REV3L: variants seen among roughly 807,000 people sequenced by gnomAD.
REV3L encodes DNA polymerase zeta catalytic subunit.
REV3L carries 69 observed loss-of-function variants against 299.4 expected under a neutral mutation model. The observed-to-expected ratio is 0.23, with a 90% CI of 0.19 to 0.28. The LOEUF is 0.28. REV3L is among the 10% of genes least tolerant of loss of function. The probability of loss-of-function intolerance (pLI) is 1.00; values close to 1 mark genes in which losing one functional copy is unlikely to be tolerated. For synonymous variants in REV3L, 1,238 were observed against 1,271.4 expected, an observed-to-expected ratio of 0.97 and a Z score of 0.56; for missense variants, 3,128 against 3,693.8, an observed-to-expected ratio of 0.85 and a Z score of 3.97.
chr6:111,355,241 T>C (rs1202098174), intron 18 of REV3L, among the ~76,000 whole-genome samples: 3 of 152,160 alleles, frequency 2.0e-5, no homozygotes, highest in African/African-American at 7.2e-5. Context: ...TACCTAGCAC[T>C]GCCCCTTACA....
chr6:111,377,677 C>A, intron 12 of REV3L, 24 bp downstream of exon 12: 3 of 1,599,614 alleles, frequency 1.9e-6, no homozygotes, highest in Non-Finnish European at 1.7e-6. Flanking sequence ...TAACCAATTT[C>A]TCACAGTAGA....
chr6:111,385,093 C>T (rs932886763), intron 9 of REV3L, among the ~76,000 whole-genome samples: 11 of 151,492 alleles, frequency 7.3e-5, no homozygotes, highest in Non-Finnish European at 1.0e-4. Flanking sequence ...AGAATGATGG[C>T]TGCCAGAAGC....
At chr6:111,318,239 C>G (rs1773748686) in intron 26 of REV3L, among the ~76,000 whole-genome samples, 3 of 151,622 alleles carry the variant, frequency 2.0e-5, no homozygotes, top group Admixed American at 1.3e-4. Context: ...AGGGGCCTAC[C>G]ACCACGCCCG....
chr6:111,415,115 C>CATT (rs1340980396), intron 2 of REV3L, among the ~76,000 whole-genome samples: 1 of 152,194 alleles, frequency 6.6e-6, no homozygotes, highest in Non-Finnish European at 1.5e-5. Flanking sequence ...AAAGTCCTTA[C>CATT]ATTAGCCTAC....
At chr6:111,447,114 T>C (rs1446348238) in intron 1 of REV3L, among the ~76,000 whole-genome samples, 1 of 152,158 alleles carries the variant, frequency 6.6e-6, no homozygotes, top group East Asian at 1.9e-4. Context: ...AATATATCAG[T>C]CTTTATTTTA....
chr6:111,308,057 T>TA, intron 30 of REV3L: 1 of 311,346 alleles, frequency 3.2e-6, no homozygotes. Context: ...GTCCTTGTGA[T>TA]AGTTTGCTGA....
At chr6:111,476,010 A>G (rs1395470167) in intron 1 of REV3L, among the ~76,000 whole-genome samples, 1 of 152,206 alleles carries the variant, frequency 6.6e-6, no homozygotes, top group Non-Finnish European at 1.5e-5. Context: ...TTTCATATAC[A>G]AGTTGAATAC....
intron 14 of REV3L, among the ~76,000 whole-genome samples, chr6:111,366,699 A>T (rs1360709924): frequency 6.6e-6 from 1 of 152,200 alleles, no homozygotes; most frequent in Non-Finnish European, 1.5e-5. Flanking sequence ...AATGAGTAGG[A>T]GGTAAATAAC....
At chr6:111,312,487 T>G (rs889626979) in intron 28 of REV3L, 17 of 152,190 alleles carry the variant, frequency 1.1e-4, no homozygotes, top group African/African-American at 3.6e-4. Flanking sequence ...TATAGCTAAT[T>G]GTTTGGAAAT....
Position 111,376,092 on chromosome 6 carries a change from T to G in REV3L, c.2263A>C (p.Thr755Pro), listed in dbSNP as rs142836701. The G allele has an allele frequency of 1.2e-6, 2 of 1,613,598 alleles. No individual in the cohort carries two copies. The highest frequency in any genetic ancestry group is 1.7e-6 in the Non-Finnish European group (2 of 1,179,872). The change falls in exon 13 of 32, where the codon ACT becomes CCT. Residue 755 changes from threonine (T) to proline (P), a missense_variant. Transcript: ENST00000368802. Reference protein sequence around the residue: ...ELLSCSGENRTMVHSLNSTAD... With the variant: ...ELLSCSGENRPMVHSLNSTAD... The stretch of plus-strand genomic sequence containing the variant: ...GTGCTATTAAGAGAATGCACCATAG[T>G]TCTATTCTCCCCTGAGCATGACAGT...
upstream of REV3L, chr6:111,483,448 C>A: frequency 4.5e-6 from 2 of 440,110 alleles, no homozygotes; most frequent in South Asian, 2.6e-5. Context: ...GGCTGGCGGG[C>A]ACGGTCACCT....
intron 4 of REV3L, among the ~76,000 whole-genome samples, chr6:111,401,586 C>G (rs1422251863): frequency 6.6e-6 from 1 of 152,146 alleles, no homozygotes; most frequent in Admixed American, 6.6e-5. Context: ...AATTACTCTG[C>G]TCTAAAAGGG....
intron 1 of REV3L, among the ~76,000 whole-genome samples, chr6:111,440,640 A>T (rs1562315961): frequency 1.3e-5 from 2 of 152,216 alleles, no homozygotes; most frequent in Non-Finnish European, 2.9e-5. Flanking sequence ...AGTTAAGAAC[A>T]AGAAAATAAA....
intron 25 of REV3L, among the ~76,000 whole-genome samples, chr6:111,326,331 T>C (rs1035965188): frequency 5.9e-5 from 9 of 152,100 alleles, no homozygotes; most frequent in Admixed American, 1.3e-4. Flanking sequence ...AAGGTCTGAA[T>C]AGACATTTCT....
intron 1 of REV3L, among the ~76,000 whole-genome samples, chr6:111,418,617 C>CAT (rs1785006696): frequency 6.6e-6 from 1 of 152,208 alleles, no homozygotes; most frequent in African/African-American, 2.4e-5. Flanking sequence ...TTCCCAAAGT[C>CAT]ACATAACTAT....
chr6:111,482,838 C>A lies in REV3L; in HGVS notation c.51G>T (p.Leu17=), dbSNP rs1793930529. 6.6e-7 allele frequency: 1 copy of A among 1,508,066 alleles called. No individual in the cohort carries two copies. The allele number at this position is 1,508,066 out of a possible 1,614,324, so 93.4% of individuals were successfully genotyped here. The change falls in exon 1 of 32, where the codon CTG becomes CTT. Residue 17 remains leucine (L), a synonymous_variant. Transcript: ENST00000368802. ...VTADYYMASP[L]QGLDTCQSPL... ...GGGATTGGCAGGTATCCAGCCCCTGCAGCGGGCTGGCCATGTAGTAGTCTG... is the reference window on the plus strand; with the variant it reads ...GGGATTGGCAGGTATCCAGCCCCTGAAGCGGGCTGGCCATGTAGTAGTCTG...
intron 18 of REV3L, among the ~76,000 whole-genome samples, chr6:111,354,729 A>G (rs577810030): frequency 1.1e-4 from 17 of 152,296 alleles, no homozygotes; most frequent in African/African-American, 3.9e-4. Flanking sequence ...GGTTTCTGAA[A>G]GTTACAGAAA....
At chr6:111,419,045 T>G (rs1320810259) in intron 1 of REV3L, among the ~76,000 whole-genome samples, 1 of 152,208 alleles carries the variant, frequency 6.6e-6, no homozygotes, top group Non-Finnish European at 1.5e-5. Flanking sequence ...GACATGGGTG[T>G]GTGGGGTTGA....
At chr6:111,301,602 G>A (rs1771533240) in intron 31 of REV3L, among the ~76,000 whole-genome samples, 1 of 152,116 alleles carries the variant, frequency 6.6e-6, no homozygotes, top group African/African-American at 2.4e-5. Flanking sequence ...ATAAACAAGT[G>A]CCCCATCCCA....
Sources: allele counts gnomAD v4.1 joint callset (sites outside exome capture counted in the v4.1 genomes callset), GRCh38; gene constraint gnomAD v4.1.1; transcripts MANE v1.5; gene names NCBI Gene and HGNC (gene_info 2026-07-23, HGNC 2026-07-21).